The following ZNF33B variants were observed in gnomAD, a reference collection of about 807,000 sequenced individuals.
ZNF33B encodes the protein zinc finger protein 33B.
Under a neutral mutation model 45.8 loss-of-function variants are expected in ZNF33B, and 29 were observed. The ratio of observed to expected loss-of-function variants is 0.63; its 90% CI spans 0.47 to 0.86. The LOEUF (loss-of-function observed/expected upper bound fraction) is 0.86. Ranked by LOEUF, ZNF33B falls within the 40% of genes least tolerant of loss-of-function variation. The probability of loss-of-function intolerance (pLI) is 0.00; values close to 1 mark genes in which losing one functional copy is unlikely to be tolerated. For synonymous variants in ZNF33B, 305 were observed against 307.8 expected, an observed-to-expected ratio of 0.99 and a Z score of 0.10; for missense variants, 831 against 909.9, an observed-to-expected ratio of 0.91 and a Z score of 1.12.
At chr10:42,585,340 G>A (rs1836911391), downstream of ZNF33B, among the ~76,000 whole-genome samples, 1 of 152,194 alleles carries the variant, frequency 6.6e-6, no homozygotes, top group Non-Finnish European at 1.5e-5. Flanking sequence ...TCTGGACAAT[G>A]CACAAACTAG....
At chr10:42,586,500 A>G (rs1408031972), downstream of ZNF33B, among the ~76,000 whole-genome samples, 3 of 152,228 alleles carry the variant, frequency 2.0e-5, no homozygotes, top group Non-Finnish European at 4.4e-5. Flanking sequence ...GCTGGAGTGC[A>G]GTGGCACCAC....
At chr10:42,618,543 T>A (rs1838430535) in intron 4 of ZNF33B, among the ~76,000 whole-genome samples, 2 of 152,212 alleles carry the variant, frequency 1.3e-5, no homozygotes, top group South Asian at 4.1e-4. Flanking sequence ...TTACTTACCA[T>A]CAAAAATGTA....
At chr10:42,608,420 T>C (rs1339415288) in intron 4 of ZNF33B, among the ~76,000 whole-genome samples, 1 of 152,026 alleles carries the variant, frequency 6.6e-6, no homozygotes, top group East Asian at 1.9e-4. Context: ...AAAGTACACA[T>C]GAAACATTCC....
chr10:42,632,083 A>G, intron 3 of ZNF33B, 59 bp from the exon 4 acceptor site: 1 of 1,559,056 alleles, frequency 6.4e-7, no homozygotes, highest in Non-Finnish European at 8.8e-7. Flanking sequence ...AGGCCTTTGA[A>G]GCAGGAAGAA....
chr10:42,627,991 T>A (rs562651972), intron 4 of ZNF33B, among the ~76,000 whole-genome samples: 1 of 152,188 alleles, frequency 6.6e-6, no homozygotes, highest in Non-Finnish European at 1.5e-5. Context: ...GAGAAAAAAA[T>A]TGTATTTTGC....
At position 42,593,255 on chromosome 10, in the gene ZNF33B, C is replaced by A. The variant is rs1309372058; in HGVS notation, c.1695G>T (p.Lys565Asn). The A allele has an allele frequency of 6.2e-7, 1 of 1,613,684 alleles. No homozygotes were observed. The highest frequency in any genetic ancestry group is 1.3e-5 in the African/African-American group (1 of 74,870). The change falls in exon 5 of 5, where the codon AAG (lysine) becomes AAT (asparagine). Residue 565 changes from lysine to asparagine, a missense_variant. By Grantham distance (94) the Lys-to-Asn change is moderately conservative. Transcript: ENST00000359467. ...TTCTATAATGTTGAGAGAGGGTTGACTTATGGCTAAAGAATTTCCCACATT... is the reference window on the plus strand; with the variant it reads ...TTCTATAATGTTGAGAGAGGGTTGAATTATGGCTAAAGAATTTCCCACATT... Reference protein sequence around the residue: ...CPECGKFFSHKSTLSQHYRTH... With the variant: ...CPECGKFFSHNSTLSQHYRTH...
intron 4 of ZNF33B, among the ~76,000 whole-genome samples, chr10:42,596,153 T>A (rs568128918): frequency 2.3e-4 from 35 of 151,802 alleles, no homozygotes; most frequent in African/African-American, 8.4e-4. Context: ...ATGGAATAAA[T>A]CTAATATTAG....
In ZNF33B at chr10:42,590,493, TTC is replaced by T. The variant is rs1837076349; in HGVS notation, c.*2118_*2119del. ...TCCACCTCCCAGGTTCAAGTGATTC[TTC>T]TGCCTCAGCCTCCTGAGTAGCTTGG... On this transcript the variant is annotated 3_prime_UTR_variant, in exon 5 of 5. Transcript: ENST00000359467. 1 of 152,264 alleles carries T rather than the reference TTC, an allele frequency of 6.6e-6. No homozygotes were observed. Among genetic ancestry groups the T allele is most frequent in the African/African-American group, 2.4e-5 (1 of 41,446 alleles). The allele number at this position is 152,264 out of a possible 1,614,324, so 9.4% of individuals were successfully genotyped here.
Position 42,593,268 on chromosome 10 carries a change from A to G in ZNF33B, c.1682T>C (p.Phe561Ser). The G allele has an allele frequency of 6.2e-7, 1 of 1,613,452 alleles. No homozygotes were observed. The change falls in exon 5 of 5, where the codon TTC becomes TCC. Residue 561 changes from phenylalanine (F) to serine (S), a missense_variant. Phe to Ser is a radical substitution (Grantham distance 155). Transcript: ENST00000359467. The part of the protein sequence containing the change: ...KPFACPECGK[F>S]FSHKSTLSQH... ...AGAGAGGGTTGACTTATGGCTAAAG[A>G]ATTTCCCACATTCAGGACATGCAAA...
In ZNF33B at chr10:42,576,285, G is replaced by A. The variant is rs766848714; in HGVS notation, c.74-1607C>T. Among the ~76,000 whole-genome samples, 155 of 152,168 alleles carry A rather than the reference G, an allele frequency of 1.0e-3. 1 individual carries two copies. Among genetic ancestry groups the A allele is most frequent in the Non-Finnish European group, 1.4e-3 (95 of 68,006 alleles). ...ATTACAGGTGTGAGCCACTGCGCCC[G>A]GCCACAATATTATTTTTATCATAGG... On this transcript the variant is annotated intron_variant, in intron 1 of 1. Coordinates refer to the ZNF33B transcript ENST00000462075.
At position 42,592,337 on chromosome 10, in the gene ZNF33B, G is replaced by A; in HGVS notation, c.*276C>T. The stretch of plus-strand genomic sequence containing the variant: ...AAATGCTAACATAATCCTATTTGTA[G>A]TTTTGCCAAAAACTTTCACAAATTC... On this transcript the variant is annotated 3_prime_UTR_variant, in exon 5 of 5. Coordinates refer to ENST00000359467, the MANE Select transcript of ZNF33B (RefSeq NM_006955.3). The A allele has an allele frequency of 9.7e-6, 6 of 616,364 alleles. No homozygotes were observed. Among genetic ancestry groups the A allele is most frequent in the Non-Finnish European group, 1.2e-5 (5 of 422,646 alleles). The allele number at this position is 616,364 out of a possible 1,614,324, so 38.2% of individuals were successfully genotyped here.
downstream of ZNF33B, among the ~76,000 whole-genome samples, chr10:42,584,580 G>C (rs1836892749): frequency 1.3e-5 from 2 of 151,876 alleles, no homozygotes; most frequent in African/African-American, 4.8e-5. Flanking sequence ...GAGTGCAATG[G>C]CACCATCTCG....
intron 1 of ZNF33B, chr10:42,581,760 T>C (rs1836829735): frequency 6.6e-6 from 1 of 152,224 alleles, no homozygotes; most frequent in East Asian, 1.9e-4. Flanking sequence ...GCTTGTCTTT[T>C]AGGATAGAAT....
chr10:42,578,411 C>G (rs1305421067), intron 1 of ZNF33B: 3 of 152,650 alleles, frequency 2.0e-5, no homozygotes, highest in Non-Finnish European at 4.4e-5. Context: ...CAACATGGTC[C>G]TCGGCATCCT....
At position 42,593,093 on chromosome 10, in the gene ZNF33B, G is replaced by A. The variant is rs768943694; in HGVS notation, c.1857C>T (p.Cys619=). 28 of 1,613,618 alleles carry A rather than the reference G, an allele frequency of 1.7e-5. No homozygotes were observed. Among genetic ancestry groups the A allele is most frequent in the Non-Finnish European group, 2.4e-5 (28 of 1,179,936 alleles). Residue 619 remains cysteine (C), a synonymous_variant, in exon 5 of 5, where the codon TGC becomes TGT. Transcript: ENST00000359467. ...YECNECGKTF[C]QKSQLTQHQR... Reference sequence around the variant, plus strand: ...GATGCTGAGTGAGTTGTGACTTCTGGCAGAAGGTTTTTCCACATTCATTAC... The same window carrying A: ...GATGCTGAGTGAGTTGTGACTTCTGACAGAAGGTTTTTCCACATTCATTAC...
chr10:42,582,096 T>C (rs1836838612), intron 1 of ZNF33B: 1 of 152,154 alleles, frequency 6.6e-6, no homozygotes, highest in Non-Finnish European at 1.5e-5. Flanking sequence ...AGCCTGGGCA[T>C]TGCAGCGACA....
Position 42,591,211 on chromosome 10 carries a change from C to A in ZNF33B, c.*1402G>T. ...GAGCAATGAAATGACAGTCCAACAGCCCTGGGCAGCAACTGGGCTGTATGT... is the reference window on the plus strand; with the variant it reads ...GAGCAATGAAATGACAGTCCAACAGACCTGGGCAGCAACTGGGCTGTATGT... On this transcript the variant is annotated 3_prime_UTR_variant, in exon 5 of 5. Transcript: ENST00000359467. The A allele has an allele frequency of 1.2e-6, 1 of 855,186 alleles. No individual in the cohort carries two copies. Among genetic ancestry groups the A allele is most frequent in the Non-Finnish European group, 1.4e-6 (1 of 711,704 alleles). The allele number at this position is 855,186 out of a possible 1,614,324, so 53.0% of individuals were successfully genotyped here.
exon 2 of ZNF33B, chr10:42,574,459 G>C (rs992035520): frequency 1.3e-5 from 2 of 152,160 alleles, no homozygotes; most frequent in East Asian, 1.9e-4. Flanking sequence ...TGGTTTCCTT[G>C]ATGGGCCAAA....
At chr10:42,619,268 C>A (rs1365117773) in intron 4 of ZNF33B, among the ~76,000 whole-genome samples, 1 of 152,166 alleles carries the variant, frequency 6.6e-6, no homozygotes, top group African/African-American at 2.4e-5. Flanking sequence ...TTTTACTTTA[C>A]AAGAGACCCT....
Sources: gnomAD v4.1 joint callset for allele counts (sites outside exome capture counted in the v4.1 genomes callset) on GRCh38, gnomAD v4.1.1 for gene constraint, MANE v1.5 for transcripts, NCBI Gene and HGNC (gene_info 2026-07-23, HGNC 2026-07-21) for gene names.